Variants in TBC1D12 observed in about 807,000 individuals in gnomAD.
The protein encoded by TBC1D12 is TBC1 domain family member 12, also known as TBC1 domain family, member 12.
A neutral mutation model predicts 86.7 loss-of-function variants in TBC1D12; 56 were observed. That is an observed-to-expected ratio of 0.65 (90% CI 0.52 to 0.81). The LOEUF is 0.81. TBC1D12 is among the 30% of genes least tolerant of loss of function. The pLI, the probability that TBC1D12 is intolerant of heterozygous loss-of-function variation, is 0.00. For synonymous variants in TBC1D12, 421 were observed against 411.7 expected, an observed-to-expected ratio of 1.02 and a Z score of -0.27; for missense variants, 1,023 against 1,038.8, an observed-to-expected ratio of 0.98 and a Z score of 0.21.
At chr10:94,504,415 T>C (rs544573256) in intron 6 of TBC1D12, among the ~76,000 whole-genome samples, 1 of 152,340 alleles carries the variant, frequency 6.6e-6, no homozygotes, top group South Asian at 2.1e-4. Flanking sequence ...TTTTCTTCAC[T>C]AAACATTTAT....
At chr10:94,426,148 TA>T (rs1234038943) in intron 1 of TBC1D12, among the ~76,000 whole-genome samples, 2 of 152,132 alleles carry the variant, frequency 1.3e-5, no homozygotes, top group African/African-American at 4.8e-5. Flanking sequence ...ACTTTTAACT[TA>T]ATTTTTCTTG....
chr10:94,527,783 A>G (rs1362954229), intron 11 of TBC1D12, among the ~76,000 whole-genome samples: 5 of 151,996 alleles, frequency 3.3e-5, no homozygotes, highest in African/African-American at 4.8e-5. Context: ...TTTAATTTTC[A>G]TATGCATATC....
At chr10:94,485,256 T>A (rs761443253) in intron 3 of TBC1D12, among the ~76,000 whole-genome samples, 1 of 152,144 alleles carries the variant, frequency 6.6e-6, no homozygotes, top group Non-Finnish European at 1.5e-5. Context: ...TATTTTGAGG[T>A]ATGTTCCTTC....
intron 1 of TBC1D12, among the ~76,000 whole-genome samples, chr10:94,409,219 A>G (rs55857865): frequency 0.012 from 1,826 of 152,238 alleles, 53 homozygotes; most frequent in African/African-American, 0.042. Flanking sequence ...CAGGACTTCA[A>G]CTTAGGAATT....
intron 3 of TBC1D12, among the ~76,000 whole-genome samples, chr10:94,480,350 T>C (rs1375092393): frequency 1.3e-5 from 2 of 152,178 alleles, no homozygotes; most frequent in South Asian, 2.1e-4. Context: ...TGAGGGGCCA[T>C]TAGTCTTCAT....
At chr10:94,460,338 C>G (rs1016682291) in intron 2 of TBC1D12, among the ~76,000 whole-genome samples, 1 of 152,136 alleles carries the variant, frequency 6.6e-6, no homozygotes, top group Non-Finnish European at 1.5e-5. Context: ...TAATAATTGT[C>G]CCAGAAAGTT....
At chr10:94,437,509 G>A (rs2055319961) in intron 1 of TBC1D12, among the ~76,000 whole-genome samples, 1 of 151,920 alleles carries the variant, frequency 6.6e-6, no homozygotes, top group Non-Finnish European at 1.5e-5. Flanking sequence ...TGTATTTTTA[G>A]TAGAGATGGG....
At chr10:94,449,296 C>T (rs1433547094) in intron 2 of TBC1D12, among the ~76,000 whole-genome samples, 1 of 152,070 alleles carries the variant, frequency 6.6e-6, no homozygotes, top group Non-Finnish European at 1.5e-5. Flanking sequence ...ACTAAACAAA[C>T]AAGATTGTGC....
At chr10:94,410,792 T>A (rs180782257) in intron 1 of TBC1D12, among the ~76,000 whole-genome samples, 4 of 152,322 alleles carry the variant, frequency 2.6e-5, no homozygotes, top group African/African-American at 9.6e-5. Flanking sequence ...TTGGTTTTTG[T>A]CCTAGGTAAC....
Position 94,403,421 on chromosome 10 carries a change from C to G in TBC1D12, c.808C>G (p.His270Asp), listed in dbSNP as rs1257313002. Residue 270 changes from histidine (H) to aspartate (D), a missense_variant, in exon 1 of 13, where the codon CAC becomes GAC. Physicochemically the swap from His to Asp is moderately conservative, Grantham distance 81. Transcript: ENST00000225235. Reference protein sequence around the residue: ...AEPRLGFSDIHFNSRNTFQVS... With the variant: ...AEPRLGFSDIDFNSRNTFQVS... ...GCCGCGCCTGGGCTTTTCTGACATTCACTTCAACTCTCGCAACACGTTCCA... is the reference window on the plus strand; with the variant it reads ...GCCGCGCCTGGGCTTTTCTGACATTGACTTCAACTCTCGCAACACGTTCCA... 1 of 1,549,890 alleles carries G rather than the reference C, an allele frequency of 6.5e-7. No individual in the cohort carries two copies. The highest frequency in any genetic ancestry group is 8.7e-7 in the Non-Finnish European group (1 of 1,147,764).
chr10:94,496,519 T>C (rs577471814), intron 4 of TBC1D12, among the ~76,000 whole-genome samples: 1 of 152,312 alleles, frequency 6.6e-6, no homozygotes, highest in African/African-American at 2.4e-5. Context: ...TATAAACCCT[T>C]GTAGGAAAAA....
At position 94,500,259 on chromosome 10, in the gene TBC1D12, G is replaced by T. The variant is rs1328818349; in HGVS notation, c.1451G>T (p.Gly484Val). The T allele has an allele frequency of 6.2e-7, 1 of 1,613,972 alleles. No homozygotes were observed. Among genetic ancestry groups the T allele is most frequent in the South Asian group, 1.1e-5 (1 of 91,056 alleles). Residue 484 changes from glycine (G) to valine (V), a missense_variant, in exon 6 of 13, where the codon GGA (glycine) becomes GTA (valine). Coordinates refer to ENST00000225235, the MANE Select transcript of TBC1D12 (RefSeq NM_015188.2). Reference sequence around the variant, plus strand: ...AGAGTTCGAGAATTGTGGTGGCAGGGATTGCCCCCTAGTGTCCGTGGGAAA... The same window carrying T: ...AGAGTTCGAGAATTGTGGTGGCAGGTATTGCCCCCTAGTGTCCGTGGGAAA... ...TRRVRELWWQ[G>V]LPPSVRGKVW...
At chr10:94,484,736 A>G (rs1439172775) in intron 3 of TBC1D12, among the ~76,000 whole-genome samples, 1 of 152,174 alleles carries the variant, frequency 6.6e-6, no homozygotes, top group Admixed American at 6.5e-5. Context: ...TGAACATGGA[A>G]TATTTTTCCA....
intron 6 of TBC1D12, among the ~76,000 whole-genome samples, chr10:94,506,334 C>T (rs569905340): frequency 9.1e-4 from 138 of 152,186 alleles, no homozygotes; most frequent in African/African-American, 2.6e-3. Flanking sequence ...CCACCATGCC[C>T]GGCCTACTTT....
chr10:94,402,665 C>G lies in TBC1D12; in HGVS notation c.52C>G (p.Leu18Val), dbSNP rs1187378129. 1 of 1,610,206 alleles carries G rather than the reference C, an allele frequency of 6.2e-7. No individual in the cohort carries two copies. The highest frequency in any genetic ancestry group is 1.7e-5 in the Admixed American group (1 of 59,834). ...GACSGRNPKLLPVPAPDPVGQ... is the reference protein window; with the variant it reads ...GACSGRNPKLVPVPAPDPVGQ... ...CTGCTCGGGAAGAAACCCCAAGTTG[C>G]TCCCGGTGCCTGCGCCGGACCCCGT... Residue 18 changes from leucine to valine, a missense_variant, in exon 1 of 13, where the codon CTC (leucine) becomes GTC (valine). Transcript: ENST00000225235.
chr10:94,531,379 G>A lies in TBC1D12; in HGVS notation c.2178G>A (p.Leu726=), dbSNP rs1842413722. The change falls in exon 12 of 13, where the codon TTG becomes TTA. Residue 726 remains leucine, a synonymous_variant. Coordinates refer to ENST00000225235, the MANE Select transcript of TBC1D12 (RefSeq NM_015188.2). ...ATATAGCACAGTTTCTAACTAAATTGCCAGAAGATATCACATCGGAAAAGC... is the reference window on the plus strand; with the variant it reads ...ATATAGCACAGTTTCTAACTAAATTACCAGAAGATATCACATCGGAAAAGC... ...FIHIAQFLTK[L]PEDITSEKLF... 1 of 1,613,962 alleles carries A rather than the reference G, an allele frequency of 6.2e-7. No individual in the cohort carries two copies. Among genetic ancestry groups the A allele is most frequent in the South Asian group, 1.1e-5 (1 of 91,074 alleles).
In TBC1D12 at chr10:94,535,482, G is replaced by A. The variant is rs1045146327; in HGVS notation, c.*2386G>A. 6.6e-6 allele frequency: 1 copy of A among 152,078 alleles called. No homozygotes were observed. Among genetic ancestry groups the A allele is most frequent in the Non-Finnish European group, 1.5e-5 (1 of 67,990 alleles). 9.4% of individuals were successfully genotyped at this position (152,078 alleles called of 1,614,324 possible). On this transcript the variant is annotated 3_prime_UTR_variant, in exon 13 of 13. Coordinates refer to ENST00000225235, the MANE Select transcript of TBC1D12 (RefSeq NM_015188.2). ...CTCTTTAGGAGTATGGGGCCCTAGGGTGTCCATATATTTTTACCCCATGGG... is the reference window on the plus strand; with the variant it reads ...CTCTTTAGGAGTATGGGGCCCTAGGATGTCCATATATTTTTACCCCATGGG...
chr10:94,499,090 T>A (rs2056361462), intron 5 of TBC1D12, among the ~76,000 whole-genome samples: 1 of 152,184 alleles, frequency 6.6e-6, no homozygotes, highest in African/African-American at 2.4e-5. Context: ...TTTTGGTATA[T>A]GTTTACATTA....
intron 1 of TBC1D12, among the ~76,000 whole-genome samples, chr10:94,424,675 G>A (rs1317829409): frequency 6.6e-6 from 1 of 152,204 alleles, no homozygotes; most frequent in Non-Finnish European, 1.5e-5. Context: ...AATGGAATAA[G>A]GATTTCATTA....
Sources: allele counts gnomAD v4.1 joint callset (sites outside exome capture counted in the v4.1 genomes callset), GRCh38; gene constraint gnomAD v4.1.1; transcripts MANE v1.5; gene names NCBI Gene and HGNC (gene_info 2026-07-23, HGNC 2026-07-21).